PLIN5: variants seen among roughly 807,000 people sequenced by gnomAD.
PLIN5 encodes perilipin 5, also known as perilipin-5.
Under a neutral mutation model 32.8 loss-of-function variants are expected in PLIN5, and 34 were observed. The observed-to-expected ratio is 1.04, with a 90% CI of 0.79 to 1.38. PLIN5 has a LOEUF of 1.38. Ranked by LOEUF, PLIN5 falls within the 40% of genes most tolerant of loss-of-function variation. The pLI is 0.00. For synonymous variants in PLIN5, 309 were observed against 292.9 expected (o/e 1.05, Z -0.56); for missense variants, 712 against 660.5 (o/e 1.08, Z -0.85).
chr19:4,528,432 G>T (rs139690240), intron 5 of PLIN5: 2 of 150,442 alleles, frequency 1.3e-5, no homozygotes, highest in East Asian at 3.9e-4. Flanking sequence ...TTTTTGAAAC[G>T]GAGTCTCGCA....
In PLIN5 at chr19:4,525,633, C is replaced by T. The variant is rs1366166437; in HGVS notation, c.720G>A (p.Leu240=). 3.1e-6 allele frequency: 5 copies of T among 1,612,770 alleles called. No homozygotes were observed. Among genetic ancestry groups the T allele is most frequent in the South Asian group, 2.2e-5 (2 of 91,072 alleles). ...TLAQLQETLE[L]IDHMQCGVTP... ...GCAGGGGCGGGCAGCGGGCTCTCAC[C>T]AGCTCCAGCGTCTCCTGCAGCTGGG... The change falls in exon 6 of 8, where the codon CTG becomes CTA. Residue 240 remains leucine (L), a splice_region_variant and synonymous_variant. Coordinates refer to ENST00000381848, the MANE Select transcript of PLIN5 (RefSeq NM_001013706.3). The surrounding 1 kb of genome is among the most constrained non-coding windows in gnomAD (Gnocchi z 5.6).
Position 4,525,344 on chromosome 19 carries a change from G to T in PLIN5, c.721-268C>A, listed in dbSNP as rs1432975173. Among the ~76,000 whole-genome samples the T allele has an allele frequency of 3.3e-5, 5 of 152,258 alleles. No homozygotes were observed. The East Asian group carries it at 9.7e-4, about 29-fold the overall frequency. On this transcript the variant is annotated intron_variant, in intron 6 of 7. Coordinates refer to ENST00000381848, the MANE Select transcript of PLIN5 (RefSeq NM_001013706.3). This position sits in a 1 kb window ranked among gnomAD's most constrained non-coding sequence, Gnocchi z 5.6. ...GGGAGGGAAGAGCTGAGGATGGGAG[G>T]ATTCTGATGAGGAGGAAGGCTCTCT... is the stretch of plus-strand genomic sequence containing the variant.
chr19:4,531,560 G>T, intron 3 of PLIN5, 67 bp downstream of exon 3: 1 of 1,419,688 alleles, frequency 7.0e-7, no homozygotes, highest in Non-Finnish European at 9.3e-7. Flanking sequence ...GACCAAGGAG[G>T]ATGGGACAGG....
Position 4,531,617 on chromosome 19 carries a change from G to C in PLIN5, c.256+10C>G. 6.6e-7 allele frequency: 1 copy of C among 1,506,382 alleles called. No homozygotes were observed. Among genetic ancestry groups the C allele is most frequent in the Non-Finnish European group, 8.9e-7 (1 of 1,128,336 alleles). 93.3% of individuals were successfully genotyped at this position (1,506,382 alleles called of 1,614,324 possible). A position where few individuals can be genotyped will look rare whatever the true frequency, so the allele number is the denominator to read the frequency against. On this transcript the variant is annotated intron_variant, in intron 3 of 7. Coordinates refer to ENST00000381848, the MANE Select transcript of PLIN5 (RefSeq NM_001013706.3). Reference sequence around the variant, plus strand: ...CCACAGCTCCCAGGGACACGGGCCAGGGCACTCACGCTGGGGCTGCAGGTG... The same window carrying C: ...CCACAGCTCCCAGGGACACGGGCCACGGCACTCACGCTGGGGCTGCAGGTG...
chr19:4,534,743 T>C (rs772457021), intron 1 of PLIN5, among the ~76,000 whole-genome samples: 1 of 152,176 alleles, frequency 6.6e-6, no homozygotes, highest in Non-Finnish European at 1.5e-5. Flanking sequence ...GGGAGGTCCC[T>C]GCTACCCCTG....
chr19:4,531,464 C>T (rs1203921947), intron 3 of PLIN5, among the ~76,000 whole-genome samples, 163 bp downstream of exon 3: 2 of 151,596 alleles, frequency 1.3e-5, no homozygotes, highest in African/African-American at 4.8e-5. Context: ...TAAAGAAGGA[C>T]TTAAGTGAAG....
chr19:4,524,199 A>G, intron 7 of PLIN5, 114 bp from the exon 8 acceptor site: 2 of 1,058,466 alleles, frequency 1.9e-6, no homozygotes, highest in Non-Finnish European at 2.5e-6. Context: ...CATAGACCTC[A>G]TAGTCCTGTC....
rs189236793 is a variant in PLIN5, at chr19:4,525,561, G to A, written c.720+72C>T. On this transcript the variant is annotated intron_variant, in intron 6 of 7. Transcript: ENST00000381848. This position sits in a 1 kb window ranked among gnomAD's most constrained non-coding sequence, Gnocchi z 5.6. ...CCTGCTTTAGGCTAGCACGGGATCC[G>A]GTATTCAGCTGGTGCTCAATCCATA... 6.4e-6 allele frequency: 10 copies of A among 1,554,034 alleles called. No individual in the cohort carries two copies. Among genetic ancestry groups the A allele is most frequent in the Admixed American group, 3.4e-5 (2 of 59,208 alleles).
rs1976760345 is a variant in PLIN5 at position 4,523,695 on chromosome 19, G to A, written c.1225C>T (p.His409Tyr). ...CTCTGCTGGGCCGGCCAGTCCAGGTGCGCCCAGCGGGGGTCAGGGCCCCCG... is the reference window on the plus strand; with the variant it reads ...CTCTGCTGGGCCGGCCAGTCCAGGTACGCCCAGCGGGGGTCAGGGCCCCCG... ...VIGGPDPRWAHLDWPAQQRAW... is the reference protein window; with the variant it reads ...VIGGPDPRWAYLDWPAQQRAW... The change falls in exon 8 of 8, where the codon CAC becomes TAC. Residue 409 changes from histidine (H) to tyrosine (Y), a missense_variant. Transcript: ENST00000381848. The surrounding 1 kb of genome is among the most constrained non-coding windows in gnomAD (Gnocchi z 5.0). 2 of 1,605,618 alleles carry A rather than the reference G, an allele frequency of 1.2e-6. No homozygotes were observed. The highest frequency in any genetic ancestry group is 3.3e-5 in the Admixed American group (2 of 59,932).
chr19:4,525,955 C>CGGGGACAGCACGGGGACAGCAT lies in PLIN5; in HGVS notation c.521-124_521-123insATGCTGTCCCCGTGCTGTCCCC, dbSNP rs1976798584. 2 of 820,584 alleles carry CGGGGACAGCACGGGGACAGCAT rather than the reference C, an allele frequency of 2.4e-6. No individual in the cohort carries two copies. Among genetic ancestry groups the CGGGGACAGCACGGGGACAGCAT allele is most frequent in the African/African-American group, 3.4e-5 (2 of 58,684 alleles). The allele number at this position is 820,584 out of a possible 1,614,324, so 50.8% of individuals were successfully genotyped here. The stretch of plus-strand genomic sequence containing the variant: ...ACGGGGACAGGATACGGGGACAGCA[C>CGGGGACAGCACGGGGACAGCAT]GGGGACAGCATGGGGTCAGCACAGC... On this transcript the variant is annotated intron_variant, in intron 5 of 7. Transcript: ENST00000381848. This position sits in a 1 kb window ranked among gnomAD's most constrained non-coding sequence, Gnocchi z 5.6.
intron 3 of PLIN5, 81 bp downstream of exon 3, chr19:4,531,546 G>A: frequency 7.3e-7 from 1 of 1,373,170 alleles, no homozygotes; most frequent in African/African-American, 1.5e-5. Flanking sequence ...GTGTCATGCA[G>A]ATAGACCAAG....
chr19:4,524,877 T>G, intron 7 of PLIN5, 86 bp downstream of exon 7: 14 of 1,209,272 alleles, frequency 1.2e-5, no homozygotes, highest in Non-Finnish European at 1.6e-5. Context: ...CCGGCAGTAC[T>G]GGGCTGACCC....
chr19:4,524,513 C>T (rs2145321576), intron 7 of PLIN5, among the ~76,000 whole-genome samples: 1 of 152,278 alleles, frequency 6.6e-6, no homozygotes, highest in Non-Finnish European at 1.5e-5. Flanking sequence ...GATCGCGCCA[C>T]TGCACTCCAG....
chr19:4,531,580 G>C, intron 3 of PLIN5, 47 bp downstream of exon 3: 2 of 1,456,978 alleles, frequency 1.4e-6, no homozygotes, highest in Non-Finnish European at 1.8e-6. Context: ...GGGGCGGTGG[G>C]GGGGTGGCAA....
Position 4,531,798 on chromosome 19 carries a change from G to T in PLIN5, c.85C>A (p.Leu29Met), listed in dbSNP as rs772890622. 1.9e-6 allele frequency: 3 copies of T among 1,578,584 alleles called. No individual in the cohort carries two copies. The Admixed American group carries it at 5.2e-5, about 27-fold the overall frequency. ...QQNVVQRVVA[L>M]PLVRATCTAV... ...GTGCACGTGGCCCTGACCAGGGGCA[G>T]AGCCACCACACGCTGCACCACGTTC... The change falls in exon 3 of 8, where the codon CTG becomes ATG. Residue 29 changes from leucine (L) to methionine (M), a missense_variant. By Grantham distance (15) the Leu-to-Met change is conservative. Coordinates refer to ENST00000381848, the MANE Select transcript of PLIN5 (RefSeq NM_001013706.3).
At chr19:4,527,599 G>A (rs976913449) in intron 5 of PLIN5, among the ~76,000 whole-genome samples, 2 of 139,818 alleles carry the variant, frequency 1.4e-5, no homozygotes, top group Non-Finnish European at 3.0e-5. Flanking sequence ...ACTCACGCTT[G>A]TAATCCCAGC....
At chr19:4,530,894 G>A (rs558486327) in intron 3 of PLIN5, among the ~76,000 whole-genome samples, 117 of 151,960 alleles carry the variant, frequency 7.7e-4, no homozygotes, top group Admixed American at 7.4e-3. Flanking sequence ...GGCTGTTCTC[G>A]AACTCCTGAC....
At chr19:4,534,282 AG>A in intron 1 of PLIN5, 187 bp from the exon 2 acceptor site, 1 of 592,198 alleles carries the variant, frequency 1.7e-6, no homozygotes, top group South Asian at 2.1e-5. Flanking sequence ...TCCAATAATG[AG>A]CCTCTGGCAA....
chr19:4,534,579 C>A (rs1976925363), intron 1 of PLIN5, among the ~76,000 whole-genome samples: 1 of 152,148 alleles, frequency 6.6e-6, no homozygotes, highest in Non-Finnish European at 1.5e-5. Flanking sequence ...CCATGTTGCC[C>A]AGGCTGGTCT....
Sources: gnomAD v4.1 joint callset for allele counts (sites outside exome capture counted in the v4.1 genomes callset) on GRCh38, gnomAD v4.1.1 for gene constraint, Gnocchi (gnomAD v3.1) non-coding constraint, MANE v1.5 for transcripts, NCBI Gene and HGNC (gene_info 2026-07-23, HGNC 2026-07-21) for gene names.